Variants in VPS35 observed in about 807,000 individuals in gnomAD.
VPS35 encodes vacuolar protein sorting-associated protein 35.
In VPS35, 21 loss-of-function variants were observed where a neutral mutation model predicts 98.1. The observed-to-expected ratio is 0.21, with a 90% CI of 0.15 to 0.31. The LOEUF (loss-of-function observed/expected upper bound fraction) is 0.31. Among genes scored for constraint, VPS35 ranks in the 10% least tolerant of loss-of-function variants. VPS35 has a pLI of 1.00. For synonymous variants in VPS35, 268 were observed against 318.2 expected (o/e 0.84, Z 1.68); for missense variants, 554 against 950.8 (o/e 0.58, Z 5.49).
At chr16:46,674,285 G>A in intron 10 of VPS35, 29 bp downstream of exon 10, 2 of 1,612,464 alleles carry the variant, frequency 1.2e-6, no homozygotes, top group East Asian at 2.2e-5. Context: ...ATATCTTTGA[G>A]GATTTTTACA....
In VPS35 at chr16:46,689,144, C is replaced by A. The variant is rs1397736424; in HGVS notation, c.-11G>T. 1.2e-6 allele frequency: 2 copies of A among 1,608,716 alleles called. No homozygotes were observed. The highest frequency in any genetic ancestry group is 2.2e-5 in the South Asian group (2 of 90,042). Reference sequence around the variant, plus strand: ...CTCAGCACTCACCATGGCGACTCCCCAGAGCCTGCAGCAAGCAGCACCCGC... The same window carrying A: ...CTCAGCACTCACCATGGCGACTCCCAAGAGCCTGCAGCAAGCAGCACCCGC... On this transcript the variant is annotated 5_prime_UTR_variant, in exon 1 of 17. Transcript: ENST00000299138.
chr16:46,660,665 T>G lies in VPS35; in HGVS notation c.2212-14A>C. On this transcript the variant is annotated splice_polypyrimidine_tract_variant and intron_variant, in intron 16 of 16. Coordinates refer to ENST00000299138, the MANE Select transcript of VPS35 (RefSeq NM_018206.6). Reference sequence around the variant, plus strand: ...CTGAATTGTTACCTACAAAAGAATATGTACAAATTCATGATCAAGCACGTA... The same window carrying G: ...CTGAATTGTTACCTACAAAAGAATAGGTACAAATTCATGATCAAGCACGTA... The G allele has an allele frequency of 6.2e-7, 1 of 1,611,690 alleles. No individual in the cohort carries two copies. Among genetic ancestry groups the G allele is most frequent in the Non-Finnish European group, 8.5e-7 (1 of 1,179,062 alleles).
chr16:46,672,243 T>G (rs1254245275), intron 11 of VPS35, 22 bp downstream of exon 11: 1 of 1,605,732 alleles, frequency 6.2e-7, no homozygotes, highest in East Asian at 2.2e-5. Flanking sequence ...TTCCCTAAAA[T>G]AGCACGTAGG....
rs1389400919 is a variant in VPS35 at position 46,689,173 on chromosome 16, G to C, written c.-40C>G. On this transcript the variant is annotated 5_prime_UTR_variant, in exon 1 of 17. Transcript: ENST00000299138. ...GCCTGCAGCAAGCAGCACCCGCCCCGCGCGTAGCCTCCCGCGGTCATGTGA... is the reference window on the plus strand; with the variant it reads ...GCCTGCAGCAAGCAGCACCCGCCCCCCGCGTAGCCTCCCGCGGTCATGTGA... The C allele has an allele frequency of 6.2e-6, 10 of 1,601,914 alleles. No homozygotes were observed. The highest frequency in any genetic ancestry group is 8.5e-6 in the Non-Finnish European group (10 of 1,175,430).
At chr16:46,688,657 C>T (rs1422132771) in intron 1 of VPS35, 4 of 1,027,038 alleles carry the variant, frequency 3.9e-6, no homozygotes, top group African/African-American at 1.7e-5. Flanking sequence ...TCACTGCGAC[C>T]CCTCCAGGAG....
In VPS35 at chr16:46,687,850, T is replaced by C. The variant is rs78674672; in HGVS notation, c.3+1281A>G. On this transcript the variant is annotated intron_variant, in intron 1 of 16. Coordinates refer to ENST00000299138, the MANE Select transcript of VPS35 (RefSeq NM_018206.6). ...ACTGTGAAAGAACGAATACTCAAGTTTCCTTTCCCAATAAAATTCATGAGG... is the reference window on the plus strand; with the variant it reads ...ACTGTGAAAGAACGAATACTCAAGTCTCCTTTCCCAATAAAATTCATGAGG... Among the ~76,000 whole-genome samples, 135 of 152,160 alleles carry C rather than the reference T, an allele frequency of 8.9e-4. 1 individual carries two copies. The East Asian group carries it at 0.015, about 16-fold the overall frequency.
Position 46,661,137 on chromosome 16 carries a change from T to A in VPS35, c.2212-486A>T, listed in dbSNP as rs797016. Among the ~76,000 whole-genome samples the A allele has an allele frequency of 3.3e-5, 5 of 152,118 alleles. No homozygotes were observed. The highest frequency in any genetic ancestry group is 1.9e-4 in the East Asian group (1 of 5,200). ...TCCAGCCTGGGTGACAGAGCCAGAC[T>A]CTGTCAAAAAAAGAAAAACAAGCAA... is the stretch of plus-strand genomic sequence containing the variant. On this transcript the variant is annotated intron_variant, in intron 16 of 16. Transcript: ENST00000299138. The surrounding 1 kb of genome is among the most constrained non-coding windows in gnomAD (Gnocchi z 4.3).
chr16:46,677,174 G>C (rs1053075224), intron 7 of VPS35, 141 bp downstream of exon 7: 1 of 770,506 alleles, frequency 1.3e-6, no homozygotes, highest in African/African-American at 1.7e-5. Context: ...GAGATTACAG[G>C]TGTGAGTCAC....
At chr16:46,688,881 C>G in intron 1 of VPS35, 1 of 1,438,244 alleles carries the variant, frequency 7.0e-7, no homozygotes, top group Non-Finnish European at 9.1e-7. Context: ...CATGCCAAGT[C>G]AACCCCACAG....
At chr16:46,676,740 C>T (rs751201506) in intron 7 of VPS35, 48 bp from the exon 8 acceptor site, 23 of 1,337,328 alleles carry the variant, frequency 1.7e-5, no homozygotes, top group Non-Finnish European at 2.4e-5. Flanking sequence ...ACGTAATATT[C>T]TGGACTCACA....
chr16:46,687,790 G>A (rs1245092068), intron 1 of VPS35, among the ~76,000 whole-genome samples: 2 of 152,186 alleles, frequency 1.3e-5, no homozygotes, highest in Non-Finnish European at 2.9e-5. Context: ...GCGACACCAA[G>A]AAGACTAAGC....
intron 13 of VPS35, among the ~76,000 whole-genome samples, chr16:46,664,650 T>C (rs371322656): frequency 6.6e-6 from 1 of 151,916 alleles, no homozygotes; most frequent in Admixed American, 6.6e-5. Flanking sequence ...GCCTACCGAA[T>C]AGCTGGGATT....
In VPS35 at chr16:46,671,724, T is replaced by A; in HGVS notation, c.1505A>T (p.Asp502Val). 3 of 1,614,130 alleles carry A rather than the reference T, an allele frequency of 1.9e-6. No individual in the cohort carries two copies. The highest frequency in any genetic ancestry group is 2.5e-6 in the Non-Finnish European group (3 of 1,179,998). Residue 502 changes from aspartate (D) to valine (V), a missense_variant, in exon 12 of 17, where the codon GAC (aspartate) becomes GTC (valine). Physicochemically the swap from Asp to Val is radical, Grantham distance 152. Coordinates refer to ENST00000299138, the MANE Select transcript of VPS35 (RefSeq NM_018206.6). ...GRFIHLLRSE[D>V]PDQQYLILNT... ...TCATACCAAGTACTGCTGGTCAGGG[T>A]CCTCAGAGCGCAGCAGATGAATGAA... is the stretch of plus-strand genomic sequence containing the variant.
At chr16:46,666,940 T>C (rs902519158) in intron 13 of VPS35, among the ~76,000 whole-genome samples, 2 of 152,250 alleles carry the variant, frequency 1.3e-5, no homozygotes, top group African/African-American at 4.8e-5. Flanking sequence ...GGAGTGCAGA[T>C]ATCTCTTTGA....
At chr16:46,681,030 T>TACAC (rs1491326650) in intron 4 of VPS35, among the ~76,000 whole-genome samples, 177 bp from the exon 5 acceptor site, 9 of 70,490 alleles carry the variant, frequency 1.3e-4, no homozygotes, top group East Asian at 4.6e-4. Context: ...CTAAAAAAAC[T>TACAC]ATACACACAC....
Position 46,668,470 on chromosome 16 carries a change from C to T in VPS35, c.1647+460G>A, listed in dbSNP as rs149861465. Among the ~76,000 whole-genome samples the T allele has an allele frequency of 5.9e-3, 903 of 152,222 alleles. 11 individuals carry two copies. The highest frequency in any genetic ancestry group is 0.021 in the African/African-American group (867 of 41,530). On this transcript the variant is annotated intron_variant, in intron 13 of 16. Coordinates refer to ENST00000299138, the MANE Select transcript of VPS35 (RefSeq NM_018206.6). The stretch of plus-strand genomic sequence containing the variant: ...AACCTGAATGTCCAACTTTCAGGTA[C>T]GTGAGCTTGAGGTATTTTCTTCAAA...
At position 46,661,003 on chromosome 16, in the gene VPS35, T is replaced by C. The variant is rs1208363579; in HGVS notation, c.2212-352A>G. 5.5e-6 allele frequency: 2 copies of C among 361,182 alleles called. No individual in the cohort carries two copies. The highest frequency in any genetic ancestry group is 1.1e-5 in the Non-Finnish European group (2 of 187,264). 22.4% of individuals were successfully genotyped at this position (361,182 alleles called of 1,614,324 possible). A position where few individuals can be genotyped will look rare whatever the true frequency, so the allele number is the denominator to read the frequency against. On this transcript the variant is annotated intron_variant, in intron 16 of 16. Transcript: ENST00000299138. This position sits in a 1 kb window ranked among gnomAD's most constrained non-coding sequence, Gnocchi z 4.3. The stretch of plus-strand genomic sequence containing the variant: ...CTCTAGTAATAATACAAAAATTAGC[T>C]GGGCGTGGTGCCGGGCGCCTATAAT...
At chr16:46,687,243 T>A in intron 1 of VPS35, among the ~76,000 whole-genome samples, 1 of 152,204 alleles carries the variant, frequency 6.6e-6, no homozygotes, top group Non-Finnish European at 1.5e-5. Context: ...AATATCACGT[T>A]AATGAAAGAA....
In VPS35 at chr16:46,683,510, G is replaced by A. The variant is rs1349971899; in HGVS notation, c.100C>T (p.Leu34=). The A allele has an allele frequency of 1.9e-6, 3 of 1,613,222 alleles. No individual in the cohort carries two copies. The highest frequency in any genetic ancestry group is 2.5e-6 in the Non-Finnish European group (3 of 1,179,902). The change falls in exon 2 of 17, where the codon CTG becomes TTG. Residue 34 remains leucine, a splice_region_variant and synonymous_variant. Coordinates refer to ENST00000299138, the MANE Select transcript of VPS35 (RefSeq NM_018206.6). ...KVQSFQMKRC[L]DKNKLMDALK... The stretch of plus-strand genomic sequence containing the variant: ...GCCTCCCACATCTCCATTCTTACCA[G>A]GCATCTCTTCATTTGGAATGACTGG...
Sources: gnomAD v4.1 joint callset for allele counts (sites outside exome capture counted in the v4.1 genomes callset) on GRCh38, gnomAD v4.1.1 for gene constraint, Gnocchi (gnomAD v3.1) non-coding constraint, MANE v1.5 for transcripts, NCBI Gene and HGNC (gene_info 2026-07-23, HGNC 2026-07-21) for gene names.